Variants in NOL8 observed in about 807,000 individuals in gnomAD.
The protein encoded by NOL8 is nucleolar protein 8, also known as nucleolar protein Nop132.
NOL8 carries 93 observed loss-of-function variants against 116.1 expected under a neutral mutation model. The observed-to-expected ratio is 0.80, with a 90% CI of 0.68 to 0.95. NOL8 has a LOEUF of 0.95. Among genes scored for constraint, NOL8 ranks in the 40% least tolerant of loss-of-function variants. The pLI, the probability that NOL8 is intolerant of heterozygous loss-of-function variation, is 0.00. For synonymous variants in NOL8, 419 were observed against 469.0 expected, an observed-to-expected ratio of 0.89 and a Z score of 1.38; for missense variants, 1,291 against 1,382.8, an observed-to-expected ratio of 0.93 and a Z score of 1.05.
In NOL8 at chr9:92,321,747, C is replaced by T. The variant is rs1839947066; in HGVS notation, c.203-1G>A. ...TTTGTTTTATTTAAAACAGACATAC[C>T]TATAAAGTAAAGAATTATTACAAGT... is the stretch of plus-strand genomic sequence containing the variant. On this transcript the variant is annotated splice_acceptor_variant, in intron 3 of 16. Coordinates refer to ENST00000442668, the MANE Select transcript of NOL8 (RefSeq NM_017948.6). LOFTEE classifies it high-confidence loss of function. 8.9e-6 allele frequency: 12 copies of T among 1,351,026 alleles called. No individual in the cohort carries two copies. The highest frequency in any genetic ancestry group is 1.1e-5 in the Non-Finnish European group (11 of 991,064). 83.7% of individuals were successfully genotyped at this position (1,351,026 alleles called of 1,614,324 possible). A position where few individuals can be genotyped will look rare whatever the true frequency, so the allele number is the denominator to read the frequency against.
intron 1 of NOL8, chr9:92,324,435 ACAGAGTTTTTTTC>A (rs1462384692): frequency 3.2e-6 from 1 of 312,408 alleles, no homozygotes; most frequent in Non-Finnish European, 5.9e-6. Flanking sequence ...ACAGGTACAG[ACAGAGTTTTTTTC>A]CTCCAAATGG....
intron 13 of NOL8, 28 bp downstream of exon 13, chr9:92,301,522 TA>T: frequency 6.6e-7 from 1 of 1,513,366 alleles, no homozygotes; most frequent in Non-Finnish European, 8.9e-7. Context: ...CTGAATAAAA[TA>T]AAAAAGTATG....
At chr9:92,300,094 C>G in intron 13 of NOL8, 78 bp from the exon 14 acceptor site, 1 of 1,521,462 alleles carries the variant, frequency 6.6e-7, no homozygotes, top group Non-Finnish European at 8.9e-7. Context: ...CATTTGATTA[C>G]TTTTACCACG....
chr9:92,315,968 C>T lies in NOL8; in HGVS notation c.657G>A (p.Lys219=), dbSNP rs760609622. ...TCTCATCCTTCTGCACTTTTATTAT[C>T]TTCTTGGGAGGGCCATGAAAGTCAG... is the stretch of plus-strand genomic sequence containing the variant. ...EFSDFHGPPK[K]IIKVQKDESS... Residue 219 remains lysine (K), a synonymous_variant, in exon 7 of 17, where the codon AAG becomes AAA. Transcript: ENST00000442668. The T allele has an allele frequency of 9.9e-6, 16 of 1,613,802 alleles. No individual in the cohort carries two copies. The highest frequency in any genetic ancestry group is 1.3e-5 in the Non-Finnish European group (15 of 1,179,872).
At position 92,314,598 on chromosome 9, in the gene NOL8, A is replaced by G. The variant is rs746338270; in HGVS notation, c.2027T>C (p.Leu676Ser). The stretch of plus-strand genomic sequence containing the variant: ...AAGACTTAAGGACTTCTTACCTTCT[A>G]ATGGCCTAGAAATAGGATTCTTACT... ...KRSKNPISRPLEGKKSLSLSA... is the reference protein window; with the variant it reads ...KRSKNPISRPSEGKKSLSLSA... Residue 676 changes from leucine (L) to serine (S), a missense_variant, in exon 7 of 17, where the codon TTA becomes TCA. Transcript: ENST00000442668. The G allele has an allele frequency of 2.5e-6, 4 of 1,612,744 alleles. No homozygotes were observed. The highest frequency in any genetic ancestry group is 2.5e-6 in the Non-Finnish European group (3 of 1,179,264).
At chr9:92,310,959 G>A (rs1838724011) in intron 8 of NOL8, 187 bp downstream of exon 8, 3 of 585,386 alleles carry the variant, frequency 5.1e-6, no homozygotes, top group Non-Finnish European at 9.0e-6. Context: ...TGCTGCAGAT[G>A]TTGTGGAGAA....
chr9:92,324,243 T>G, intron 1 of NOL8, 34 bp from the exon 2 acceptor site: 3 of 1,421,666 alleles, frequency 2.1e-6, no homozygotes, highest in Non-Finnish European at 2.8e-6. Flanking sequence ...CCCTTAGTTC[T>G]TCTAAAATCT....
Position 92,316,072 on chromosome 9 carries a change from T to C in NOL8, c.553A>G (p.Thr185Ala), listed in dbSNP as rs1263376925. 2 of 1,613,960 alleles carry C rather than the reference T, an allele frequency of 1.2e-6. No individual in the cohort carries two copies. The highest frequency in any genetic ancestry group is 1.7e-5 in the Admixed American group (1 of 60,018). The change falls in exon 7 of 17, where the codon ACC becomes GCC. Residue 185 changes from threonine to alanine, a missense_variant. By Grantham distance (58) the Thr-to-Ala change is moderately conservative (BLOSUM62 0). Transcript: ENST00000442668. Reference protein sequence around the residue: ...LKKIGEDFSNTIPISSLTWEL... With the variant: ...LKKIGEDFSNAIPISSLTWEL... ...CAAGTCAGGCTGGATATAGGAATGG[T>C]GTTTGAGAAATCCTCCCCTATCTTC...
At position 92,315,143 on chromosome 9, in the gene NOL8, C is replaced by T. The variant is rs1322236029; in HGVS notation, c.1482G>A (p.Leu494=). 1.2e-6 allele frequency: 2 copies of T among 1,613,854 alleles called. No individual in the cohort carries two copies. The highest frequency in any genetic ancestry group is 1.7e-5 in the Admixed American group (1 of 60,000). Residue 494 remains leucine (L), a synonymous_variant, in exon 7 of 17, where the codon TTG becomes TTA. Coordinates refer to ENST00000442668, the MANE Select transcript of NOL8 (RefSeq NM_017948.6). ...VNLTLADLEQ[L]AGSDLKVPNE... is the part of the protein sequence containing the mutation. ...TTGGAACCTTCAGATCACTGCCAGCCAATTGTTCCAAATCAGCTAAAGTGA... is the reference window on the plus strand; with the variant it reads ...TTGGAACCTTCAGATCACTGCCAGCTAATTGTTCCAAATCAGCTAAAGTGA...
chr9:92,300,767 G>A (rs1469071487), intron 13 of NOL8: 7 of 1,183,078 alleles, frequency 5.9e-6, no homozygotes, highest in Non-Finnish European at 7.5e-6. Context: ...CTAGTGAACC[G>A]AGATTGCACC....
At chr9:92,301,176 CTTT>C (rs1228809957) in intron 13 of NOL8, among the ~76,000 whole-genome samples, 1 of 152,170 alleles carries the variant, frequency 6.6e-6, no homozygotes, top group Non-Finnish European at 1.5e-5. Context: ...CCTATATCTT[CTTT>C]TATCTTATAT....
intron 9 of NOL8, 22 bp downstream of exon 9, chr9:92,310,531 A>G: frequency 1.3e-6 from 2 of 1,578,836 alleles, no homozygotes; most frequent in Non-Finnish European, 1.7e-6. Context: ...TGCAAGTCTA[A>G]TTATTTTCAG....
intron 12 of NOL8, among the ~76,000 whole-genome samples, chr9:92,303,751 G>A (rs1478491192): frequency 6.6e-6 from 1 of 152,184 alleles, no homozygotes; most frequent in Non-Finnish European, 1.5e-5. Flanking sequence ...GCTACAGTGA[G>A]CTATGATTGT....
At chr9:92,316,269 G>A in intron 6 of NOL8, 131 bp from the exon 7 acceptor site, 2 of 1,004,508 alleles carry the variant, frequency 2.0e-6, no homozygotes, top group East Asian at 2.6e-5. Flanking sequence ...AAAAGAAAAT[G>A]AGGACTTAAC....
intron 12 of NOL8, among the ~76,000 whole-genome samples, chr9:92,302,211 C>T (rs1837814026): frequency 6.6e-6 from 1 of 152,054 alleles, no homozygotes; most frequent in Admixed American, 6.5e-5. Flanking sequence ...TTCTAAGATA[C>T]TGGGAATTTT....
intron 7 of NOL8, among the ~76,000 whole-genome samples, chr9:92,312,570 T>G (rs563742786): frequency 1.2e-3 from 177 of 148,754 alleles, no homozygotes; most frequent in African/African-American, 4.2e-3. Flanking sequence ...CTCACGCCTG[T>G]AATCCCAACA....
chr9:92,298,379 C>G (rs1587935799), intron 15 of NOL8, 43 bp from the exon 16 acceptor site: 1 of 1,256,910 alleles, frequency 8.0e-7, no homozygotes, highest in Non-Finnish European at 1.1e-6. Context: ...CAAACTACTA[C>G]TAAAATTGGT....
intron 15 of NOL8, chr9:92,298,587 C>A: frequency 2.1e-6 from 1 of 471,732 alleles, no homozygotes; most frequent in Non-Finnish European, 3.7e-6. Context: ...AGCTCCCCAA[C>A]AGCCTGAGTT....
chr9:92,316,576 GTTCTTA>G (rs1159744363), intron 6 of NOL8, among the ~76,000 whole-genome samples: 1 of 152,108 alleles, frequency 6.6e-6, no homozygotes, highest in Non-Finnish European at 1.5e-5. Flanking sequence ...TGTTCTCTCA[GTTCTTA>G]CTCATCCTAA....
Sources: gnomAD v4.1 joint callset for allele counts (sites outside exome capture counted in the v4.1 genomes callset) on GRCh38, gnomAD v4.1.1 for gene constraint, MANE v1.5 for transcripts, NCBI Gene and HGNC (gene_info 2026-07-23, HGNC 2026-07-21) for gene names.